The following ELAVL4 variants were observed in gnomAD, a reference collection of about 807,000 sequenced individuals.
ELAVL4 encodes ELAV like RNA binding protein 4, also known as ELAV-like protein 4.
ELAVL4 carries 1 observed loss-of-function variant against 35.6 expected under a neutral mutation model. That is an observed-to-expected ratio of 0.03 (90% CI 0.01 to 0.13). ELAVL4 has a LOEUF of 0.13. Ranked by LOEUF, ELAVL4 falls within the 10% of genes least tolerant of loss-of-function variation. The probability of loss-of-function intolerance (pLI) is 1.00; values close to 1 mark genes in which losing one functional copy is unlikely to be tolerated. For synonymous variants in ELAVL4, 156 were observed against 171.0 expected (o/e 0.91, Z 0.69); for missense variants, 267 against 464.9 (o/e 0.57, Z 3.91).
intron 1 of ELAVL4, among the ~76,000 whole-genome samples, chr1:50,119,722 C>G (rs1214716839): frequency 6.6e-6 from 1 of 151,908 alleles, no homozygotes; most frequent in Non-Finnish European, 1.5e-5. Context: ...AACAGAAGAA[C>G]AAGTTCGCAT....
intron 2 of ELAVL4, among the ~76,000 whole-genome samples, chr1:50,149,190 G>A (rs1036553562): frequency 1.1e-4 from 16 of 152,074 alleles, no homozygotes; most frequent in African/African-American, 3.4e-4. Flanking sequence ...CTGAGGTCAG[G>A]AGTTTAAGAC....
At chr1:50,093,289 T>C (rs1004791567) in intron 1 of ELAVL4, among the ~76,000 whole-genome samples, 9 of 152,188 alleles carry the variant, frequency 5.9e-5, no homozygotes, top group African/African-American at 2.2e-4. Context: ...GTGGCCTTTC[T>C]TTCTTTTCTT....
At position 50,133,964 on chromosome 1, in the gene ELAVL4, A is replaced by G. The variant is rs1194526693; in HGVS notation, c.10-10993A>G. Among the ~76,000 whole-genome samples the G allele has an allele frequency of 3.3e-5, 5 of 152,196 alleles. No individual in the cohort carries two copies. The South Asian group carries it at 8.3e-4, about 25-fold the overall frequency. On this transcript the variant is annotated intron_variant, in intron 1 of 6. Coordinates refer to ENST00000371824, the MANE Select transcript of ELAVL4 (RefSeq NM_001144774.3). Reference sequence around the variant, plus strand: ...CCTTACACAATTTCTCTTAAAAAGAACAAGACTTCTACACAGATTTTTCTA... The same window carrying G: ...CCTTACACAATTTCTCTTAAAAAGAGCAAGACTTCTACACAGATTTTTCTA...
At chr1:50,107,348 A>G (rs541113456), upstream of ELAVL4, among the ~76,000 whole-genome samples, 1 of 152,322 alleles carries the variant, frequency 6.6e-6, no homozygotes, top group Middle Eastern at 3.4e-3. Flanking sequence ...TTCATTTCTA[A>G]TAGCTGAACG....
At chr1:50,141,428 C>T (rs1159217895) in intron 1 of ELAVL4, among the ~76,000 whole-genome samples, 4 of 152,202 alleles carry the variant, frequency 2.6e-5, no homozygotes, top group African/African-American at 2.4e-5. Flanking sequence ...TGTTCATTAT[C>T]GAGTTGGCAG....
intron 2 of ELAVL4, among the ~76,000 whole-genome samples, chr1:50,162,903 A>G (rs1677053236): frequency 6.6e-6 from 1 of 152,144 alleles, no homozygotes; most frequent in Non-Finnish European, 1.5e-5. Flanking sequence ...TTTTTAAACA[A>G]TATTGTTGGC....
At position 50,109,184 on chromosome 1, in the gene ELAVL4, A is replaced by G. The variant is rs1666647417; in HGVS notation, c.-6A>G. Reference sequence around the variant, plus strand: ...GCTCTGCGAGACCCAATATTTGCCAATAAGAATGGTTATGGTAGGTATGAC... The same window carrying G: ...GCTCTGCGAGACCCAATATTTGCCAGTAAGAATGGTTATGGTAGGTATGAC... On this transcript the variant is annotated 5_prime_UTR_variant, in exon 1 of 7. Transcript: ENST00000371824. 6.2e-7 allele frequency: 1 copy of G among 1,611,996 alleles called. No homozygotes were observed. Among genetic ancestry groups the G allele is most frequent in the African/African-American group, 1.3e-5 (1 of 74,934 alleles).
intron 1 of ELAVL4, among the ~76,000 whole-genome samples, chr1:50,059,353 C>A (rs1663839806): frequency 1.3e-5 from 2 of 152,092 alleles, no homozygotes; most frequent in South Asian, 2.1e-4. Flanking sequence ...CACTTCAGTT[C>A]ATTTATTTGC....
intron 1 of ELAVL4, among the ~76,000 whole-genome samples, chr1:50,095,831 A>G (rs1271299451): frequency 2.0e-5 from 3 of 152,226 alleles, no homozygotes; most frequent in Non-Finnish European, 4.4e-5. Flanking sequence ...TAGCCAGAGC[A>G]TCCCCATCTC....
intron 1 of ELAVL4, among the ~76,000 whole-genome samples, chr1:50,130,693 C>A (rs1000762186): frequency 6.6e-6 from 1 of 152,124 alleles, no homozygotes; most frequent in Non-Finnish European, 1.5e-5. Flanking sequence ...TTATTTACTT[C>A]CTTGCAGGCA....
At chr1:50,163,847 C>T (rs1677241443) in intron 2 of ELAVL4, among the ~76,000 whole-genome samples, 1 of 152,054 alleles carries the variant, frequency 6.6e-6, no homozygotes, top group Non-Finnish European at 1.5e-5. Flanking sequence ...CCCAAACAAA[C>T]AACCGCATGC....
chr1:50,059,568 T>C (rs1379108253), intron 1 of ELAVL4, among the ~76,000 whole-genome samples: 2 of 151,026 alleles, frequency 1.3e-5, no homozygotes, highest in Admixed American at 6.6e-5. Context: ...AAAAAAACCG[T>C]TGGAGAAAAT....
At chr1:50,080,146 G>A (rs184827967) in intron 1 of ELAVL4, among the ~76,000 whole-genome samples, 4 of 152,106 alleles carry the variant, frequency 2.6e-5, no homozygotes, top group East Asian at 1.9e-4. Context: ...GTTTAAGTGC[G>A]GTCTTTAAAC....
At chr1:50,049,607 C>T (rs1396307248) in intron 1 of ELAVL4, among the ~76,000 whole-genome samples, 2 of 152,188 alleles carry the variant, frequency 1.3e-5, no homozygotes, top group African/African-American at 4.8e-5. Flanking sequence ...TGCGCGGCAC[C>T]TCTCCTTTCA....
At chr1:50,101,817 A>G (rs1665992875), upstream of ELAVL4, among the ~76,000 whole-genome samples, 1 of 152,210 alleles carries the variant, frequency 6.6e-6, no homozygotes, top group Admixed American at 6.5e-5. Context: ...AAAGGAAGAG[A>G]TATCTTACTT....
upstream of ELAVL4, chr1:50,106,302 G>A (rs760159432): frequency 2.2e-5 from 35 of 1,612,680 alleles, no homozygotes; most frequent in East Asian, 1.6e-4. Context: ...CAACCTTTGG[G>A]ATGTGTGCAT....
intron 3 of ELAVL4, among the ~76,000 whole-genome samples, chr1:50,193,232 G>C (rs1254413974): frequency 6.6e-6 from 1 of 152,138 alleles, no homozygotes; most frequent in Non-Finnish European, 1.5e-5. Context: ...CATGGGAACA[G>C]ACTGGAGCAA....
At chr1:50,110,133 T>G (rs1221901272) in intron 1 of ELAVL4, among the ~76,000 whole-genome samples, 1 of 152,104 alleles carries the variant, frequency 6.6e-6, no homozygotes, top group Non-Finnish European at 1.5e-5. Flanking sequence ...TTCTCTTTTC[T>G]GAAAACCAGA....
intron 3 of ELAVL4, among the ~76,000 whole-genome samples, chr1:50,184,213 A>C (rs1681480411): frequency 6.6e-6 from 1 of 152,162 alleles, no homozygotes; most frequent in African/African-American, 2.4e-5. Context: ...CTCTCTGCTC[A>C]GTGAAGGTGA....
Sources: gnomAD v4.1 joint callset for allele counts (sites outside exome capture counted in the v4.1 genomes callset) on GRCh38, gnomAD v4.1.1 for gene constraint, MANE v1.5 for transcripts, NCBI Gene and HGNC (gene_info 2026-07-23, HGNC 2026-07-21) for gene names.